ADAMTS12: variants seen among roughly 807,000 people sequenced by gnomAD.
ADAMTS12 encodes ADAM metallopeptidase with thrombospondin type 1 motif 12.
Under a neutral mutation model 167.8 loss-of-function variants are expected in ADAMTS12, and 118 were observed. That is an observed-to-expected ratio of 0.70 (90% confidence interval 0.61 to 0.82). ADAMTS12 has a LOEUF of 0.82. ADAMTS12 is among the 40% of genes least tolerant of loss of function. The pLI, the probability that ADAMTS12 is intolerant of heterozygous loss-of-function variation, is 0.00. For synonymous variants in ADAMTS12, 704 were observed against 716.9 expected (o/e 0.98, Z 0.29); for missense variants, 1,916 against 1,998.8 (o/e 0.96, Z 0.79).
chr5:33,794,658 G>A (rs1259947945), intron 2 of ADAMTS12, among the ~76,000 whole-genome samples: 1 of 152,054 alleles, frequency 6.6e-6, no homozygotes, highest in African/African-American at 2.4e-5. Flanking sequence ...AACCGGCACT[G>A]TGGATGGCAC....
intron 3 of ADAMTS12, among the ~76,000 whole-genome samples, chr5:33,697,975 T>C (rs903603893): frequency 6.6e-6 from 1 of 152,264 alleles, no homozygotes; most frequent in African/African-American, 2.4e-5. Flanking sequence ...CTTAGAATTT[T>C]AAGCGTTATT....
At chr5:33,606,012 A>G (rs1738421561) in intron 16 of ADAMTS12, among the ~76,000 whole-genome samples, 1 of 152,102 alleles carries the variant, frequency 6.6e-6, no homozygotes, top group African/African-American at 2.4e-5. Context: ...CAGAGGTGCA[A>G]TCTCGACTCA....
At chr5:33,635,748 G>A (rs959861727) in intron 12 of ADAMTS12, among the ~76,000 whole-genome samples, 3 of 152,176 alleles carry the variant, frequency 2.0e-5, no homozygotes, top group Non-Finnish European at 4.4e-5. Context: ...CCTACTGGCA[G>A]GGATGCCTGT....
chr5:33,741,696 C>T (rs1363118695), intron 3 of ADAMTS12, among the ~76,000 whole-genome samples: 1 of 152,092 alleles, frequency 6.6e-6, no homozygotes, highest in African/African-American at 2.4e-5. Flanking sequence ...GGTGCGATCT[C>T]AGCTCACTGC....
In ADAMTS12 at chr5:33,534,965, G is replaced by T. The variant is rs774205270; in HGVS notation, c.4474C>A (p.Gln1492Lys). 6.2e-5 allele frequency: 100 copies of T among 1,609,144 alleles called. No homozygotes were observed. The highest frequency in any genetic ancestry group is 8.3e-5 in the Non-Finnish European group (98 of 1,178,728). Residue 1492 changes from glutamine to lysine, a missense_variant, in exon 23 of 24, where the codon CAG (glutamine) becomes AAG (lysine). Gln to Lys is a moderately conservative substitution (Grantham distance 53). Transcript: ENST00000504830. The part of the protein sequence containing the change: ...LCSTSCGGGF[Q>K]KRTVQCVPSE... ...GGCACACATTGGACAGTCCTCTTCTGAAAGCCACCTCCACAGGAAGTGGAA... is the reference window on the plus strand; with the variant it reads ...GGCACACATTGGACAGTCCTCTTCTTAAAGCCACCTCCACAGGAAGTGGAA...
chr5:33,600,974 T>G (rs962903875), intron 16 of ADAMTS12, among the ~76,000 whole-genome samples: 1 of 152,138 alleles, frequency 6.6e-6, no homozygotes, highest in African/African-American at 2.4e-5. Flanking sequence ...AATATTTACC[T>G]TTTTTCTTTC....
chr5:33,834,192 C>T (rs1166317872), intron 2 of ADAMTS12, among the ~76,000 whole-genome samples: 4 of 152,106 alleles, frequency 2.6e-5, no homozygotes, highest in African/African-American at 7.2e-5. Flanking sequence ...TTAGTTACCC[C>T]TTTAAAGACC....
Position 33,727,085 on chromosome 5 carries a change from C to T in ADAMTS12, c.634+24319G>A, listed in dbSNP as rs1744007386. ...TTCCTCTCTCTCTCCTCTCACCTCTCCTGGAGGCGCAAGGCAGTTGCCACC... is the reference window on the plus strand; with the variant it reads ...TTCCTCTCTCTCTCCTCTCACCTCTTCTGGAGGCGCAAGGCAGTTGCCACC... On this transcript the variant is annotated intron_variant, in intron 3 of 23. Transcript: ENST00000504830. 2.0e-5 allele frequency among the ~76,000 whole-genome samples: 3 copies of T among 152,152 alleles called. No individual in the cohort carries two copies. In the South Asian group the frequency reaches 6.2e-4, roughly 32 times the overall value.
At chr5:33,616,152 T>C in intron 14 of ADAMTS12, 80 bp from the exon 15 acceptor site, 1 of 1,542,358 alleles carries the variant, frequency 6.5e-7, no homozygotes, top group Non-Finnish European at 8.7e-7. Context: ...CCACTGTTAA[T>C]CCTCTTTCCA....
At chr5:33,772,232 G>T (rs1039335570) in intron 2 of ADAMTS12, among the ~76,000 whole-genome samples, 2 of 152,078 alleles carry the variant, frequency 1.3e-5, no homozygotes, top group East Asian at 3.9e-4. Flanking sequence ...TTGCACAAGA[G>T]CTACCATAAG....
intron 2 of ADAMTS12, chr5:33,880,871 G>A (rs1356588535): frequency 1.3e-5 from 6 of 475,046 alleles, no homozygotes; most frequent in Non-Finnish European, 2.2e-5. Context: ...ACCCCAAACT[G>A]ATGTTGCTGG....
chr5:33,596,541 G>T (rs1737889304), intron 16 of ADAMTS12, among the ~76,000 whole-genome samples: 1 of 152,218 alleles, frequency 6.6e-6, no homozygotes, highest in Admixed American at 6.5e-5. Context: ...AATTAGCTGG[G>T]TGTGTTGGTG....
intron 2 of ADAMTS12, among the ~76,000 whole-genome samples, chr5:33,849,249 TATATATATATGTATTGCATAGCA>T (rs1749093925): frequency 2.8e-5 from 3 of 106,364 alleles, no homozygotes; most frequent in South Asian, 3.0e-4. Context: ...TGCATAGCAA[TATATATATATGTATTGCATAGCA>T]ATATATATAT....
At chr5:33,751,693 A>G in intron 2 of ADAMTS12, 145 bp from the exon 3 acceptor site, 1 of 709,040 alleles carries the variant, frequency 1.4e-6, no homozygotes, top group Non-Finnish European at 2.3e-6. Context: ...CTCATAGAAG[A>G]GTTACATACA....
intron 15 of ADAMTS12, among the ~76,000 whole-genome samples, chr5:33,614,603 T>G (rs1738891402): frequency 6.6e-6 from 1 of 152,220 alleles, no homozygotes; most frequent in African/African-American, 2.4e-5. Flanking sequence ...CTATATATTT[T>G]CCATCTAATT....
At chr5:33,865,456 A>G (rs1021554249) in intron 2 of ADAMTS12, among the ~76,000 whole-genome samples, 1 of 152,178 alleles carries the variant, frequency 6.6e-6, no homozygotes, top group African/African-American at 2.4e-5. Flanking sequence ...GAGGCATAGA[A>G]TGGACATACC....
At chr5:33,705,213 G>C (rs1366064144) in intron 3 of ADAMTS12, among the ~76,000 whole-genome samples, 1 of 151,256 alleles carries the variant, frequency 6.6e-6, no homozygotes, top group Non-Finnish European at 1.5e-5. Flanking sequence ...CTCCTTCTAG[G>C]TTGCTGCAAA....
intron 2 of ADAMTS12, among the ~76,000 whole-genome samples, chr5:33,859,068 C>T (rs920219937): frequency 6.6e-6 from 1 of 152,148 alleles, no homozygotes; most frequent in Non-Finnish European, 1.5e-5. Context: ...GGATTTCAAG[C>T]GCAAAACTGG....
chr5:33,536,225 C>T (rs1010638856), intron 22 of ADAMTS12, among the ~76,000 whole-genome samples: 1 of 152,204 alleles, frequency 6.6e-6, no homozygotes, highest in African/African-American at 2.4e-5. Context: ...CAACCTCCCT[C>T]CCTGGGTTCA....
Sources: allele counts gnomAD v4.1 joint callset (sites outside exome capture counted in the v4.1 genomes callset), GRCh38; gene constraint gnomAD v4.1.1; transcripts MANE v1.5; gene names NCBI Gene and HGNC (gene_info 2026-07-23, HGNC 2026-07-21).